The following DNM3 variants were observed in gnomAD, a reference collection of about 807,000 sequenced individuals.
The protein encoded by DNM3 is dynamin-3.
DNM3 carries 47 observed loss-of-function variants against 101.6 expected under a neutral mutation model. That is an observed-to-expected ratio of 0.46 (90% CI 0.37 to 0.59). DNM3 has a LOEUF of 0.59. DNM3 is among the 20% of genes least tolerant of loss of function. DNM3 has a pLI of 0.00. For missense variants in DNM3, 849 were observed against 1,085.7 expected, an observed-to-expected ratio of 0.78 and a Z score of 3.06; for synonymous variants, 385 against 387.9, an observed-to-expected ratio of 0.99 and a Z score of 0.09.
intron 1 of DNM3, among the ~76,000 whole-genome samples, chr1:171,875,991 A>G (rs572528649): frequency 1.3e-5 from 2 of 151,942 alleles, no homozygotes; most frequent in East Asian, 3.9e-4. Flanking sequence ...TTGTATTTTT[A>G]GTAGAGACGG....
intron 1 of DNM3, among the ~76,000 whole-genome samples, chr1:171,843,921 T>G (rs1042814619): frequency 6.6e-6 from 1 of 152,178 alleles, no homozygotes; most frequent in Non-Finnish European, 1.5e-5. Context: ...GTTTTACCAC[T>G]AATTGACTGT....
chr1:172,326,742 A>G (rs2065952990), intron 17 of DNM3, among the ~76,000 whole-genome samples: 1 of 152,126 alleles, frequency 6.6e-6, no homozygotes. Context: ...ACATGTAAGG[A>G]ATATAAATAT....
intron 2 of DNM3, among the ~76,000 whole-genome samples, chr1:171,984,894 TA>T (rs1318653109): frequency 6.6e-6 from 1 of 152,174 alleles, no homozygotes; most frequent in Non-Finnish European, 1.5e-5. Flanking sequence ...ACAAAATAAA[TA>T]AAAATACACA....
chr1:172,211,516 T>C (rs1471340603), intron 14 of DNM3, among the ~76,000 whole-genome samples: 1 of 152,144 alleles, frequency 6.6e-6, no homozygotes, highest in African/African-American at 2.4e-5. Context: ...TGAAATTGAT[T>C]ACTGTCTGAA....
intron 14 of DNM3, among the ~76,000 whole-genome samples, chr1:172,231,530 A>G (rs1005743635): frequency 6.6e-6 from 1 of 152,196 alleles, no homozygotes; most frequent in East Asian, 1.9e-4. Flanking sequence ...TCTAAAAATC[A>G]GAGCACCTCT....
At chr1:172,264,958 G>T (rs982208109) in intron 15 of DNM3, among the ~76,000 whole-genome samples, 3 of 152,158 alleles carry the variant, frequency 2.0e-5, no homozygotes, top group Admixed American at 6.5e-5. Context: ...GCTCCTAAAA[G>T]ATCAGCAATG....
chr1:172,378,875 G>A, intron 17 of DNM3, 143 bp from the exon 18 acceptor site: 1 of 923,788 alleles, frequency 1.1e-6, no homozygotes, highest in Non-Finnish European at 1.6e-6. Context: ...AGAACCAGTG[G>A]ATGCATAAGA....
At chr1:172,135,300 C>G (rs1166935355) in intron 14 of DNM3, among the ~76,000 whole-genome samples, 1 of 152,016 alleles carries the variant, frequency 6.6e-6, no homozygotes, top group Non-Finnish European at 1.5e-5. Context: ...GAGACACTAA[C>G]TAAATATTGA....
intron 13 of DNM3, among the ~76,000 whole-genome samples, chr1:172,102,135 G>A (rs1203974364): frequency 6.6e-6 from 1 of 152,066 alleles, no homozygotes; most frequent in Admixed American, 6.5e-5. Context: ...TGGGATTACA[G>A]GTGTGAGCCA....
At chr1:171,893,013 G>A (rs2037435164) in intron 1 of DNM3, among the ~76,000 whole-genome samples, 2 of 150,038 alleles carry the variant, frequency 1.3e-5, no homozygotes. Flanking sequence ...AAGAGTTGGG[G>A]ACCCCTGAAC....
chr1:172,297,041 G>T (rs563149078), intron 15 of DNM3, among the ~76,000 whole-genome samples: 1 of 151,846 alleles, frequency 6.6e-6, no homozygotes, highest in South Asian at 2.1e-4. Flanking sequence ...TACTTGGGAG[G>T]CTGAGGCAGG....
chr1:172,217,437 G>C (rs1356741430), intron 14 of DNM3, among the ~76,000 whole-genome samples: 1 of 152,064 alleles, frequency 6.6e-6, no homozygotes, highest in Non-Finnish European at 1.5e-5. Flanking sequence ...TCTCCTACTG[G>C]CTCCTTTTGT....
At chr1:172,314,114 C>G (rs112134742) in intron 16 of DNM3, among the ~76,000 whole-genome samples, 5,767 of 152,152 alleles carry the variant, frequency 0.038, 344 homozygotes, top group African/African-American at 0.12. Flanking sequence ...TGGACATATA[C>G]CCAAAGGATT....
intron 13 of DNM3, among the ~76,000 whole-genome samples, chr1:172,097,725 T>C (rs2054339992): frequency 1.3e-5 from 2 of 152,198 alleles, no homozygotes; most frequent in African/African-American, 4.8e-5. Context: ...TTCAGTCAGA[T>C]ATCGGGCAAA....
chr1:172,176,703 A>G lies in DNM3; in HGVS notation c.1659+45415A>G, dbSNP rs77753391. 2.8e-3 allele frequency among the ~76,000 whole-genome samples: 432 copies of G among 151,950 alleles called. 2 individuals carry two copies. The highest frequency in any genetic ancestry group is 0.01 in the African/African-American group (418 of 41,496). On this transcript the variant is annotated intron_variant, in intron 14 of 20. Transcript: ENST00000627582. ...TTTTAAACATCTTAGTTTGGGGGCAATTTGTTATGCAGCAAAAGATAACTA... is the reference window on the plus strand; with the variant it reads ...TTTTAAACATCTTAGTTTGGGGGCAGTTTGTTATGCAGCAAAAGATAACTA...
chr1:172,178,594 G>A (rs560187729), intron 14 of DNM3, among the ~76,000 whole-genome samples: 14 of 151,842 alleles, frequency 9.2e-5, no homozygotes, highest in South Asian at 4.2e-4. Context: ...AGTGCATGCC[G>A]TGATGATGAA....
intron 4 of DNM3, among the ~76,000 whole-genome samples, chr1:172,007,432 T>A (rs2046772615): frequency 6.6e-6 from 1 of 152,152 alleles, no homozygotes; most frequent in Admixed American, 6.5e-5. Context: ...CGTTTGTATA[T>A]CTGCTTTGTG....
chr1:172,207,999 G>A (rs2060380606), intron 14 of DNM3, among the ~76,000 whole-genome samples: 1 of 151,774 alleles, frequency 6.6e-6, no homozygotes, highest in South Asian at 2.1e-4. Context: ...CAGTAACAAT[G>A]CTAAGTTTGT....
At chr1:172,279,731 T>C (rs1482024357) in intron 15 of DNM3, among the ~76,000 whole-genome samples, 1 of 152,172 alleles carries the variant, frequency 6.6e-6, no homozygotes, top group Non-Finnish European at 1.5e-5. Context: ...CTCAGAAACA[T>C]ATGATGGCTC....
Sources: gnomAD v4.1 joint callset for allele counts (sites outside exome capture counted in the v4.1 genomes callset) on GRCh38, gnomAD v4.1.1 for gene constraint, MANE v1.5 for transcripts, NCBI Gene and HGNC (gene_info 2026-07-23, HGNC 2026-07-21) for gene names.